ARHGAP44: variants seen among roughly 807,000 people sequenced by gnomAD.
ARHGAP44 encodes the protein Rho GTPase activating protein 44, also known as rho GTPase-activating protein 44.
Under a neutral mutation model 106.8 loss-of-function variants are expected in ARHGAP44, and 43 were observed. That is an observed-to-expected ratio of 0.40 (90% CI 0.32 to 0.52). The LOEUF (loss-of-function observed/expected upper bound fraction) is 0.52, where lower values mean the gene tolerates loss of function less well. Among genes scored for constraint, ARHGAP44 ranks in the 20% least tolerant of loss-of-function variants. ARHGAP44 has a pLI of 0.48. For missense variants in ARHGAP44, 866 were observed against 1,050.5 expected (o/e 0.82, Z 2.43); for synonymous variants, 439 against 410.3 (o/e 1.07, Z -0.85).
At chr17:12,901,735 C>T (rs894468105) in intron 3 of ARHGAP44, among the ~76,000 whole-genome samples, 2 of 152,068 alleles carry the variant, frequency 1.3e-5, no homozygotes, top group Non-Finnish European at 2.9e-5. Context: ...CTGGGAACTG[C>T]AGCATTTCCT....
intron 3 of ARHGAP44, among the ~76,000 whole-genome samples, chr17:12,899,728 G>A (rs73978274): frequency 0.011 from 1,734 of 152,294 alleles, 30 homozygotes; most frequent in African/African-American, 0.04. Context: ...TCAGGATCAG[G>A]AGAGACTTTA....
chr17:12,895,540 TTTGA>T (rs1449475512), intron 2 of ARHGAP44, among the ~76,000 whole-genome samples: 1 of 152,216 alleles, frequency 6.6e-6, no homozygotes, highest in Non-Finnish European at 1.5e-5. Context: ...GATGGGGTTG[TTTGA>T]TTTTTTCTTG....
At position 12,871,573 on chromosome 17, in the gene ARHGAP44, G is replaced by A. The variant is rs775651417; in HGVS notation, c.54-23367G>A. Among the ~76,000 whole-genome samples the A allele has an allele frequency of 2.6e-5, 4 of 152,146 alleles. No homozygotes were observed. The South Asian group carries it at 8.3e-4, about 32-fold the overall frequency. On this transcript the variant is annotated intron_variant, in intron 1 of 20. Coordinates refer to ENST00000379672, the MANE Select transcript of ARHGAP44 (RefSeq NM_014859.6). ...ACACATTTTTCAATAACTGGATCTC[G>A]TGAGAGCTCACTGTCTTGAGAACAA...
At chr17:12,824,966 G>A (rs1288268967) in intron 1 of ARHGAP44, among the ~76,000 whole-genome samples, 4 of 151,936 alleles carry the variant, frequency 2.6e-5, no homozygotes, top group Non-Finnish European at 5.9e-5. Context: ...TTATGTTCTT[G>A]TGGAACTGGA....
intron 9 of ARHGAP44, 78 bp from the exon 10 acceptor site, chr17:12,943,991 A>T: frequency 4.1e-6 from 6 of 1,465,796 alleles, no homozygotes; most frequent in Non-Finnish European, 5.5e-6. Context: ...GAGAATCTGG[A>T]CAACAAAGGA....
At chr17:12,819,297 T>C (rs1009644110) in intron 1 of ARHGAP44, among the ~76,000 whole-genome samples, 18 of 152,132 alleles carry the variant, frequency 1.2e-4, no homozygotes, top group African/African-American at 4.3e-4. Flanking sequence ...TTTAAGTATT[T>C]TGTTGCTCAA....
chr17:12,861,695 C>T (rs376759032), intron 1 of ARHGAP44, among the ~76,000 whole-genome samples: 216 of 121,996 alleles, frequency 1.8e-3, no homozygotes, highest in Middle Eastern at 0.01. Context: ...AGTGCAGTGG[C>T]GCAATCTCGG....
chr17:12,864,168 T>A (rs529811846), intron 1 of ARHGAP44, among the ~76,000 whole-genome samples: 64 of 152,218 alleles, frequency 4.2e-4, no homozygotes, highest in African/African-American at 1.5e-3. Context: ...AGCAAGACTC[T>A]GGTGGTCATA....
intron 7 of ARHGAP44, among the ~76,000 whole-genome samples, chr17:12,940,508 C>G (rs1325716168): frequency 1.3e-5 from 2 of 152,128 alleles, no homozygotes; most frequent in Non-Finnish European, 2.9e-5. Flanking sequence ...TTGCATGAGT[C>G]CAGATTTTGC....
chr17:12,974,562 G>C (rs1457287884), intron 18 of ARHGAP44, among the ~76,000 whole-genome samples: 2 of 152,134 alleles, frequency 1.3e-5, no homozygotes, highest in African/African-American at 4.8e-5. Flanking sequence ...TGCGAAGGCA[G>C]GGTGAAGAGT....
At chr17:12,963,731 CGA>C (rs2039323385) in intron 16 of ARHGAP44, among the ~76,000 whole-genome samples, 45 of 151,930 alleles carry the variant, frequency 3.0e-4, no homozygotes, top group South Asian at 6.2e-4. Context: ...GCCGGCCTTG[CGA>C]AGCCCTGCCA....
At chr17:12,954,959 T>G (rs1459177799) in intron 13 of ARHGAP44, among the ~76,000 whole-genome samples, 1 of 152,180 alleles carries the variant, frequency 6.6e-6, no homozygotes, top group African/African-American at 2.4e-5. Context: ...GGTGTCTCAT[T>G]TTAGAACATT....
chr17:12,960,981 A>G (rs1054424900), intron 16 of ARHGAP44, among the ~76,000 whole-genome samples: 3 of 152,224 alleles, frequency 2.0e-5, no homozygotes, highest in Non-Finnish European at 4.4e-5. Flanking sequence ...CGCAGTTCCT[A>G]TGTGAAATCT....
At position 12,984,589 on chromosome 17, in the gene ARHGAP44, G is replaced by A. The variant is rs367626507; in HGVS notation, c.1998G>A (p.Met666Ile). The A allele has an allele frequency of 8.7e-6, 14 of 1,601,610 alleles. No homozygotes were observed. The highest frequency in any genetic ancestry group is 1.2e-5 in the Non-Finnish European group (14 of 1,174,732). Reference sequence around the variant, plus strand: ...TCCCCTTTGGCCAGCCGGGGGCTATGGCAGACCAGTCCGCTGGCCAGCCGT... The same window carrying A: ...TCCCCTTTGGCCAGCCGGGGGCTATAGCAGACCAGTCCGCTGGCCAGCCGT... Reference protein sequence around the residue: ...PKVPFGQPGAMADQSAGQPSP... With the variant: ...PKVPFGQPGAIADQSAGQPSP... The change falls in exon 20 of 21, where the codon ATG becomes ATA. Residue 666 changes from methionine to isoleucine, a missense_variant. Coordinates refer to ENST00000379672, the MANE Select transcript of ARHGAP44 (RefSeq NM_014859.6).
At chr17:12,798,627 A>T (rs889571093) in intron 1 of ARHGAP44, among the ~76,000 whole-genome samples, 1 of 152,180 alleles carries the variant, frequency 6.6e-6, no homozygotes, top group African/African-American at 2.4e-5. Context: ...TGGTGTGTTC[A>T]TATTTTTCAA....
At chr17:12,849,232 T>TGC (rs901985829) in intron 1 of ARHGAP44, among the ~76,000 whole-genome samples, 3 of 151,630 alleles carry the variant, frequency 2.0e-5, no homozygotes, top group East Asian at 1.9e-4. Context: ...TGTGTGTGTG[T>TGC]GCGCACACAC....
intron 7 of ARHGAP44, among the ~76,000 whole-genome samples, chr17:12,937,802 T>C (rs2038590025): frequency 6.6e-6 from 1 of 152,138 alleles, no homozygotes. Flanking sequence ...CAACAGAATA[T>C]TTAAAATCCT....
intron 1 of ARHGAP44, among the ~76,000 whole-genome samples, chr17:12,849,725 A>T (rs1024704712): frequency 2.0e-5 from 3 of 151,900 alleles, no homozygotes; most frequent in African/African-American, 7.3e-5. Flanking sequence ...TCCGCAAATT[A>T]TTGGCTTTCT....
intron 16 of ARHGAP44, among the ~76,000 whole-genome samples, chr17:12,964,805 G>A (rs2039351332): frequency 6.6e-6 from 1 of 151,964 alleles, no homozygotes; most frequent in Non-Finnish European, 1.5e-5. Context: ...CAGAATAGAA[G>A]CGACATGGGT....
Sources: allele counts gnomAD v4.1 joint callset (sites outside exome capture counted in the v4.1 genomes callset), GRCh38; gene constraint gnomAD v4.1.1; transcripts MANE v1.5; gene names NCBI Gene and HGNC (gene_info 2026-07-23, HGNC 2026-07-21).